IGF2BP3: variants seen among roughly 807,000 people sequenced by gnomAD.
The protein encoded by IGF2BP3 is insulin like growth factor 2 mRNA binding protein 3.
Under a neutral mutation model 73.8 loss-of-function variants are expected in IGF2BP3, and 9 were observed. That is an observed-to-expected ratio of 0.12 (90% CI 0.07 to 0.21). IGF2BP3 has a LOEUF of 0.21. IGF2BP3 is among the 10% of genes least tolerant of loss of function. The pLI, the probability that IGF2BP3 is intolerant of heterozygous loss-of-function variation, is 1.00. For missense variants in IGF2BP3, 542 were observed against 714.0 expected (o/e 0.76, Z 2.75); for synonymous variants, 258 against 256.7 (o/e 1.01, Z -0.05).
rs781508642 is a variant in IGF2BP3, at chr7:23,342,193, C to T, written c.1078-4G>A. 1.2e-6 allele frequency: 2 copies of T among 1,613,328 alleles called. No individual in the cohort carries two copies. Reference sequence around the variant, plus strand: ...CAGGAATTAAATGTGCTTGAAGCTGCAACAGTAAAAAGGCCCCTTAATTTG... The same window carrying T: ...CAGGAATTAAATGTGCTTGAAGCTGTAACAGTAAAAAGGCCCCTTAATTTG... On this transcript the variant is annotated splice_polypyrimidine_tract_variant and splice_region_variant and intron_variant, in intron 9 of 14. Transcript: ENST00000258729.
chr7:23,322,929 C>T (rs1221237233), intron 10 of IGF2BP3, among the ~76,000 whole-genome samples: 2 of 152,144 alleles, frequency 1.3e-5, no homozygotes, highest in African/African-American at 2.4e-5. Flanking sequence ...AAGCGCTAAA[C>T]ATGGAAAGGA....
chr7:23,387,617 T>C (rs1196590224), intron 3 of IGF2BP3, among the ~76,000 whole-genome samples: 3 of 152,376 alleles, frequency 2.0e-5, no homozygotes, highest in African/African-American at 4.8e-5. Context: ...TGTAAACCTA[T>C]GGTTATTCTA....
chr7:23,323,300 A>C (rs1319658513), intron 10 of IGF2BP3, among the ~76,000 whole-genome samples: 1 of 148,244 alleles, frequency 6.7e-6, no homozygotes, highest in Admixed American at 6.7e-5. Context: ...CTTTAAACCA[A>C]CAAAGATCAA....
At chr7:23,361,345 A>G in intron 5 of IGF2BP3, 189 bp downstream of exon 5, 1 of 551,278 alleles carries the variant, frequency 1.8e-6, no homozygotes, top group Admixed American at 3.2e-5. Flanking sequence ...ATGTAATACA[A>G]CTTTAACCAA....
At chr7:23,374,979 A>G (rs112286510) in intron 3 of IGF2BP3, among the ~76,000 whole-genome samples, 11 of 152,252 alleles carry the variant, frequency 7.2e-5, no homozygotes, top group Non-Finnish European at 1.2e-4. Flanking sequence ...TCCCGCAACA[A>G]TTTTATATTA....
At chr7:23,395,677 G>A (rs1046673443) in intron 3 of IGF2BP3, among the ~76,000 whole-genome samples, 8 of 151,898 alleles carry the variant, frequency 5.3e-5, no homozygotes. Context: ...TGTAATCCCA[G>A]CATTTTGGGA....
At chr7:23,425,116 T>C (rs1787470662) in intron 2 of IGF2BP3, among the ~76,000 whole-genome samples, 2 of 152,386 alleles carry the variant, frequency 1.3e-5, no homozygotes, top group South Asian at 4.1e-4. Flanking sequence ...CACTAAGTGT[T>C]TATTTCCAAT....
At chr7:23,353,044 A>C (rs1215818086) in intron 5 of IGF2BP3, among the ~76,000 whole-genome samples, 2 of 152,182 alleles carry the variant, frequency 1.3e-5, no homozygotes, top group Non-Finnish European at 2.9e-5. Flanking sequence ...CTAACAATAC[A>C]TCCCTTTTTA....
At chr7:23,359,680 C>A (rs1283231363) in intron 5 of IGF2BP3, among the ~76,000 whole-genome samples, 2 of 151,746 alleles carry the variant, frequency 1.3e-5, no homozygotes, top group African/African-American at 4.8e-5. Context: ...AACCCCATGT[C>A]TACAAAAAAA....
chr7:23,358,048 G>A (rs1373579801), intron 5 of IGF2BP3, among the ~76,000 whole-genome samples: 1 of 152,206 alleles, frequency 6.6e-6, no homozygotes, highest in Admixed American at 6.5e-5. Flanking sequence ...GCTAACTTTT[G>A]AGCTCTACCT....
At chr7:23,325,866 G>T (rs1264330587) in intron 10 of IGF2BP3, among the ~76,000 whole-genome samples, 2 of 152,166 alleles carry the variant, frequency 1.3e-5, no homozygotes, top group Non-Finnish European at 2.9e-5. Context: ...GGGAAAACTG[G>T]CTAGCCATAT....
intron 3 of IGF2BP3, among the ~76,000 whole-genome samples, chr7:23,369,859 A>G (rs1233759687): frequency 6.6e-6 from 1 of 152,136 alleles, no homozygotes; most frequent in Non-Finnish European, 1.5e-5. Context: ...TAGATAATTT[A>G]TGTTCTGCAG....
In IGF2BP3 at chr7:23,319,508, T is replaced by C. The variant is rs140366055; in HGVS notation, c.1204-254A>G. Among the ~76,000 whole-genome samples, 95 of 152,326 alleles carry C rather than the reference T, an allele frequency of 6.2e-4. 3 individuals are homozygous for C. In the East Asian group the frequency reaches 0.014, roughly 22 times the overall value. On this transcript the variant is annotated intron_variant, in intron 10 of 14. Coordinates refer to ENST00000258729, the MANE Select transcript of IGF2BP3 (RefSeq NM_006547.3). ...TAAACTTTAAAATGTCACTGAGTTA[T>C]GGATTTAAAAGATATGTAGATGTTG...
intron 2 of IGF2BP3, among the ~76,000 whole-genome samples, chr7:23,434,654 A>C (rs1317605724): frequency 6.6e-6 from 1 of 152,184 alleles, no homozygotes; most frequent in Non-Finnish European, 1.5e-5. Flanking sequence ...CTTTTCTCCC[A>C]AGATATAATT....
intron 3 of IGF2BP3, among the ~76,000 whole-genome samples, chr7:23,392,551 AC>A (rs1786319146): frequency 6.6e-6 from 1 of 151,502 alleles, no homozygotes; most frequent in East Asian, 1.9e-4. Flanking sequence ...CAAATATACA[AC>A]TATTAATGAT....
At chr7:23,445,850 T>C (rs1275035858) in intron 2 of IGF2BP3, among the ~76,000 whole-genome samples, 1 of 152,222 alleles carries the variant, frequency 6.6e-6, no homozygotes, top group African/African-American at 2.4e-5. Context: ...CAATGCATCA[T>C]GTATATGAAG....
At chr7:23,352,278 ATTTTTTTTTT>A (rs70966011) in intron 5 of IGF2BP3, among the ~76,000 whole-genome samples, 7 of 73,758 alleles carry the variant, frequency 9.5e-5, no homozygotes, top group East Asian at 9.5e-4. Context: ...TCTCTTTTTC[ATTTTTTTTTT>A]TTTTTTTTTT....
chr7:23,312,865 T>C lies in IGF2BP3; in HGVS notation c.1528-17A>G, dbSNP rs1439860672. The C allele has an allele frequency of 9.1e-6, 14 of 1,534,174 alleles. No individual in the cohort carries two copies. Among genetic ancestry groups the C allele is most frequent in the Admixed American group, 7.3e-5 (4 of 54,814 alleles). On this transcript the variant is annotated splice_polypyrimidine_tract_variant and intron_variant, in intron 13 of 14. Transcript: ENST00000258729. ...TTCATTCACCTGAAAGAGATAAATA[T>C]AAATCACATTAAGTGGCAGTTTTAA...
At chr7:23,315,367 C>CA (rs1026554881) in intron 12 of IGF2BP3, among the ~76,000 whole-genome samples, 7 of 152,158 alleles carry the variant, frequency 4.6e-5, no homozygotes, top group African/African-American at 1.7e-4. Context: ...CTAGGCCTCT[C>CA]AAAGTGCTGG....
Sources: allele counts gnomAD v4.1 joint callset (sites outside exome capture counted in the v4.1 genomes callset), GRCh38; gene constraint gnomAD v4.1.1; transcripts MANE v1.5; gene names NCBI Gene and HGNC (gene_info 2026-07-23, HGNC 2026-07-21).